Variants in BICD2 observed in about 807,000 individuals in gnomAD.
The protein encoded by BICD2 is BICD cargo adaptor 2, also known as protein bicaudal D homolog 2.
Under a neutral mutation model 72.9 loss-of-function variants are expected in BICD2, and 25 were observed. That is an observed-to-expected ratio of 0.34 (90% CI 0.25 to 0.48). The LOEUF (loss-of-function observed/expected upper bound fraction) is 0.48. Ranked by LOEUF, BICD2 falls within the 20% of genes least tolerant of loss-of-function variation. The pLI, the probability that BICD2 is intolerant of heterozygous loss-of-function variation, is 0.99. For synonymous variants in BICD2, 501 were observed against 516.1 expected, an observed-to-expected ratio of 0.97 and a Z score of 0.40; for missense variants, 894 against 1,175.2, an observed-to-expected ratio of 0.76 and a Z score of 3.50.
intron 1 of BICD2, among the ~76,000 whole-genome samples, chr9:92,751,239 T>C (rs1180611166): frequency 6.6e-6 from 1 of 151,744 alleles, no homozygotes; most frequent in African/African-American, 2.4e-5. Context: ...CAACCTCGGC[T>C]TCCTGGGTTC....
intron 4 of BICD2, 128 bp from the exon 5 acceptor site, chr9:92,719,710 G>T: frequency 1.0e-6 from 1 of 977,554 alleles, no homozygotes; most frequent in South Asian, 1.7e-5. Context: ...AGGTTCCTTG[G>T]CCATGCTGTC....
chr9:92,759,005 A>T (rs1451255589), intron 1 of BICD2, among the ~76,000 whole-genome samples: 2 of 151,910 alleles, frequency 1.3e-5, no homozygotes, highest in African/African-American at 4.8e-5. Context: ...CAAAATAAAT[A>T]AATAATAATA....
At chr9:92,727,165 T>C (rs573823184) in intron 2 of BICD2, among the ~76,000 whole-genome samples, 1 of 152,248 alleles carries the variant, frequency 6.6e-6, no homozygotes, top group South Asian at 2.1e-4. Context: ...CCTGGGCCCC[T>C]AGGGCCTCAG....
In BICD2 at chr9:92,718,832, T is replaced by C. The variant is rs761557763; in HGVS notation, c.1813A>G (p.Ser605Gly). 1 of 1,610,666 alleles carries C rather than the reference T, an allele frequency of 6.2e-7. No homozygotes were observed. Among genetic ancestry groups the C allele is most frequent in the South Asian group, 1.1e-5 (1 of 90,970 alleles). Reference sequence around the variant, plus strand: ...AGTGAGGAGCCAGGCGAGGGGCTGCTGTCCCCCGTCCCACCATCTGCTCGG... The same window carrying C: ...AGTGAGGAGCCAGGCGAGGGGCTGCCGTCCCCCGTCCCACCATCTGCTCGG... ...AGRADGGTGD[S>G]SPSPGSSLPS... The change falls in exon 5 of 7, where the codon AGC becomes GGC. Residue 605 changes from serine (S) to glycine (G), a missense_variant. Transcript: ENST00000356884.
At chr9:92,748,927 T>A (rs1854081880) in intron 1 of BICD2, among the ~76,000 whole-genome samples, 1 of 151,940 alleles carries the variant, frequency 6.6e-6, no homozygotes, top group Admixed American at 6.5e-5. Flanking sequence ...GGCTTCTCAC[T>A]CCAAAATCCA....
rs1854447304 is a variant in BICD2, at chr9:92,764,742, CATGGT to C, written c.-3_2del. ...ACTCCTCCTCCTCCGACGGCGCCGA[CATGGT>C]GGCCGAGGGCTGAGCCGGCTCCCAC... On this transcript the variant is annotated start_lost and 5_prime_UTR_variant, in exon 1 of 7. Transcript: ENST00000356884. This position sits in a 1 kb window ranked among gnomAD's most constrained non-coding sequence, Gnocchi z 5.5. The C allele has an allele frequency of 1.3e-6, 2 of 1,565,220 alleles. No homozygotes were observed. Among genetic ancestry groups the C allele is most frequent in the African/African-American group, 2.8e-5 (2 of 72,026 alleles).
chr9:92,735,035 G>A (rs1423922531), intron 1 of BICD2, among the ~76,000 whole-genome samples: 1 of 152,232 alleles, frequency 6.6e-6, no homozygotes, highest in Non-Finnish European at 1.5e-5. Flanking sequence ...CCCTGGCTAT[G>A]GGCGAACACT....
At chr9:92,718,077 C>T in intron 5 of BICD2, 129 bp from the exon 6 acceptor site, 1 of 1,200,904 alleles carries the variant, frequency 8.3e-7, no homozygotes. Flanking sequence ...CTGGGAGGCC[C>T]CTCCCTGTGA....
intron 1 of BICD2, among the ~76,000 whole-genome samples, chr9:92,747,803 C>G (rs1222097696): frequency 1.3e-5 from 2 of 152,162 alleles, no homozygotes; most frequent in African/African-American, 2.4e-5. Context: ...AGTGCAGGAA[C>G]GGAGTGAGGA....
In BICD2 at chr9:92,712,766, TAATAC is replaced by T. The variant is rs1853218012; in HGVS notation, c.*2383_*2387del. ...ATTGAACTATTCCTAAGAATAATAA[TAATAC>T]AATATGAAAAACCCCAGAATCTGAA... is the stretch of plus-strand genomic sequence containing the variant. On this transcript the variant is annotated 3_prime_UTR_variant, in exon 7 of 7. Transcript: ENST00000356884. The T allele has an allele frequency of 6.6e-6, 1 of 152,512 alleles. No homozygotes were observed. The highest frequency in any genetic ancestry group is 2.4e-5 in the African/African-American group (1 of 41,570). The allele number at this position is 152,512 out of a possible 1,614,324, so 9.4% of individuals were successfully genotyped here.
At position 92,713,788 on chromosome 9, in the gene BICD2, T is replaced by C. The variant is rs1853243396; in HGVS notation, c.*1366A>G. 2 of 1,212,630 alleles carry C rather than the reference T, an allele frequency of 1.6e-6. No individual in the cohort carries two copies. Among genetic ancestry groups the C allele is most frequent in the Non-Finnish European group, 2.1e-6 (2 of 963,550 alleles). The allele number at this position is 1,212,630 out of a possible 1,614,324, so 75.1% of individuals were successfully genotyped here. ...GCAGGGGACATACATGGGCGTGTCC[T>C]GGAGTCTGGAGGGGACCGAAACATA... On this transcript the variant is annotated 3_prime_UTR_variant, in exon 7 of 7. Transcript: ENST00000356884.
At chr9:92,761,063 A>G (rs1007054125) in intron 1 of BICD2, among the ~76,000 whole-genome samples, 2 of 152,140 alleles carry the variant, frequency 1.3e-5, no homozygotes, top group Non-Finnish European at 2.9e-5. Flanking sequence ...AGGGCTCAGC[A>G]AGTCCAGAAG....
rs374643299 is a variant in BICD2 at position 92,729,099 on chromosome 9, C to T, written c.378G>A (p.Lys126=). The stretch of plus-strand genomic sequence containing the variant: ...TGTTGGTGAGGACATTGCGCAACTG[C>T]TTCAGCTCCGTCTGCAGCTCTAGCA... ...RKVLELQTEL[K]QLRNVLTNTQ... is the part of the protein sequence containing the mutation. Residue 126 remains lysine, a synonymous_variant, in exon 2 of 7, where the codon AAG becomes AAA. Coordinates refer to ENST00000356884, the MANE Select transcript of BICD2 (RefSeq NM_001003800.2). 1.7e-5 allele frequency: 28 copies of T among 1,614,260 alleles called. No homozygotes were observed. In the East Asian group the frequency reaches 3.3e-4, roughly 19 times the overall value.
chr9:92,733,109 A>G (rs1429805774), intron 1 of BICD2, among the ~76,000 whole-genome samples: 1 of 152,280 alleles, frequency 6.6e-6, no homozygotes, highest in African/African-American at 2.4e-5. Flanking sequence ...ACAAAGCTAC[A>G]GTGATCAAAA....
chr9:92,721,463 T>C (rs559931377), intron 3 of BICD2, among the ~76,000 whole-genome samples: 2 of 152,358 alleles, frequency 1.3e-5, no homozygotes, highest in East Asian at 1.9e-4. Flanking sequence ...TAGAAACTGA[T>C]GCCTGATGTG....
chr9:92,737,628 A>G (rs1245603346), intron 1 of BICD2, among the ~76,000 whole-genome samples: 1 of 152,222 alleles, frequency 6.6e-6, no homozygotes, highest in Admixed American at 6.5e-5. Context: ...GATTACGACC[A>G]ACAACAGGTT....
Position 92,715,304 on chromosome 9 carries a change from G to A in BICD2, c.2418C>T (p.Thr806=). ...GGGCGGCTTTGGCACGGCCACGCCG[G>A]GTCTGCTCATGGTCCAGCTCGAGCA... The part of the protein sequence containing the change: ...LELLELDHEQ[T]RRGRAKAAPK... Residue 806 remains threonine (T), a synonymous_variant, in exon 7 of 7, where the codon ACC becomes ACT. Transcript: ENST00000356884. 6.2e-7 allele frequency: 1 copy of A among 1,612,846 alleles called. No individual in the cohort carries two copies. Among genetic ancestry groups the A allele is most frequent in the Non-Finnish European group, 8.5e-7 (1 of 1,179,852 alleles).
rs2131502730 is a variant in BICD2, at chr9:92,720,738, G to A, written c.624C>T (p.Leu208=). Residue 208 remains leucine (L), a synonymous_variant, in exon 4 of 7, where the codon CTC becomes CTT. Coordinates refer to ENST00000356884, the MANE Select transcript of BICD2 (RefSeq NM_001003800.2). This position sits in a 1 kb window ranked among gnomAD's most constrained non-coding sequence, Gnocchi z 5.4. ...LRQNQVEFEG[L]KHEIKRLEEE... ...CCTCCAGACGCTTGATCTCATGCTT[G>A]AGGCCCTCAAACTCCACCTGGGAAG... 1.9e-6 allele frequency: 3 copies of A among 1,613,756 alleles called. No homozygotes were observed. The highest frequency in any genetic ancestry group is 2.5e-6 in the Non-Finnish European group (3 of 1,179,762).
rs1854438268 is a variant in BICD2 at position 92,764,439 on chromosome 9, G to A, written c.240+66C>T. 7.8e-6 allele frequency: 11 copies of A among 1,413,010 alleles called. No homozygotes were observed. The highest frequency in any genetic ancestry group is 1.0e-5 in the Non-Finnish European group (11 of 1,081,958). 87.5% of individuals were successfully genotyped at this position (1,413,010 alleles called of 1,614,324 possible). A position where few individuals can be genotyped will look rare whatever the true frequency, so the allele number is the denominator to read the frequency against. On this transcript the variant is annotated intron_variant, in intron 1 of 6. Coordinates refer to ENST00000356884, the MANE Select transcript of BICD2 (RefSeq NM_001003800.2). The surrounding 1 kb of genome is among the most constrained non-coding windows in gnomAD (Gnocchi z 5.5). ...GCAAGCTGACCTTGGCCGCCCTGGT[G>A]CCAGGGACGACGCCCACAGGCCCCG...
Sources: gnomAD v4.1 joint callset for allele counts (sites outside exome capture counted in the v4.1 genomes callset) on GRCh38, gnomAD v4.1.1 for gene constraint, Gnocchi (gnomAD v3.1) non-coding constraint, MANE v1.5 for transcripts, NCBI Gene and HGNC (gene_info 2026-07-23, HGNC 2026-07-21) for gene names.